IRF2: variants seen among roughly 807,000 people sequenced by gnomAD.
IRF2 encodes the protein interferon regulatory factor 2.
In IRF2, 15 loss-of-function variants were observed where a neutral mutation model predicts 40.6. The observed-to-expected ratio is 0.37, with a 90% CI of 0.25 to 0.57. The LOEUF is 0.57. Among genes scored for constraint, IRF2 ranks in the 20% least tolerant of loss-of-function variants. The pLI, the probability that IRF2 is intolerant of heterozygous loss-of-function variation, is 0.77. For synonymous variants in IRF2, 151 were observed against 165.5 expected (o/e 0.91, Z 0.67); for missense variants, 317 against 455.7 (o/e 0.70, Z 2.77).
chr4:184,447,382 A>T (rs1402478548), intron 1 of IRF2, among the ~76,000 whole-genome samples: 1 of 152,238 alleles, frequency 6.6e-6, no homozygotes, highest in Non-Finnish European at 1.5e-5. Flanking sequence ...AAGCTTTCCC[A>T]TAATGTAGAA....
chr4:184,437,546 C>T (rs2553539), intron 1 of IRF2, among the ~76,000 whole-genome samples: 7,305 of 151,820 alleles, frequency 0.048, 595 homozygotes, highest in African/African-American at 0.17. Context: ...AAAAAGGCAG[C>T]CCCCACAAAA....
intron 1 of IRF2, among the ~76,000 whole-genome samples, chr4:184,464,037 G>A (rs1353488445): frequency 8.5e-5 from 13 of 152,214 alleles, no homozygotes; most frequent in Admixed American, 8.5e-4. Context: ...TGCGAAGATA[G>A]GGACCGTTTA....
In IRF2 at chr4:184,408,620, T is replaced by C. The variant is rs1463062946; in HGVS notation, c.412-345A>G. On this transcript the variant is annotated intron_variant, in intron 5 of 8. Transcript: ENST00000393593. The surrounding 1 kb of genome is among the most constrained non-coding windows in gnomAD (Gnocchi z 4.9). ...GCTGCACTGCGTGGATTCTACACTC[T>C]CCTCCTCTGAGGGGGTGCTCAAAAG... 6.6e-6 allele frequency among the ~76,000 whole-genome samples: 1 copy of C among 152,184 alleles called. No individual in the cohort carries two copies. Among genetic ancestry groups the C allele is most frequent in the Non-Finnish European group, 1.5e-5 (1 of 68,030 alleles).
At chr4:184,410,706 G>C (rs986423957) in intron 5 of IRF2, among the ~76,000 whole-genome samples, 2 of 152,106 alleles carry the variant, frequency 1.3e-5, no homozygotes, top group African/African-American at 2.4e-5. Flanking sequence ...TAGTCATTCT[G>C]TTTCTAGGTT....
intron 1 of IRF2, among the ~76,000 whole-genome samples, chr4:184,434,790 G>A (rs1474246823): frequency 2.6e-5 from 4 of 152,216 alleles, no homozygotes; most frequent in Non-Finnish European, 4.4e-5. Context: ...TATTAACAGT[G>A]AGGTTGAATT....
rs1736146175 is a variant in IRF2, at chr4:184,388,827, G to A, written c.981C>T (p.Asp327=). ...TGATGACGCTGGCCCGGGTCTCCCG[G>A]TCTGGCCGACTGCTGCTGGATGCTG... ...MTPASSSSRP[D]RETRASVIKK... Residue 327 remains aspartate (D), a synonymous_variant, in exon 9 of 9, where the codon GAC becomes GAT. Coordinates refer to ENST00000393593, the MANE Select transcript of IRF2 (RefSeq NM_002199.4). The surrounding 1 kb of genome is among the most constrained non-coding windows in gnomAD (Gnocchi z 4.6). 4.3e-6 allele frequency: 7 copies of A among 1,613,898 alleles called. No individual in the cohort carries two copies. Among genetic ancestry groups the A allele is most frequent in the African/African-American group, 2.7e-5 (2 of 74,890 alleles).
In IRF2 at chr4:184,396,248, C is replaced by T. The variant is rs192328431; in HGVS notation, c.694+2667G>A. ...TCCTTGTGAAAATCAAATGAGATCA[C>T]GGGATGTGGCTGTGTTCTGAACGGC... On this transcript the variant is annotated intron_variant, in intron 7 of 8. Transcript: ENST00000393593. Among the ~76,000 whole-genome samples, 254 of 152,184 alleles carry T rather than the reference C, an allele frequency of 1.7e-3. 1 individual carries two copies. Among genetic ancestry groups the T allele is most frequent in the African/African-American group, 5.7e-3 (237 of 41,540 alleles).
chr4:184,439,763 T>C (rs554554687), intron 1 of IRF2, among the ~76,000 whole-genome samples: 1 of 152,346 alleles, frequency 6.6e-6, no homozygotes. Flanking sequence ...ACCTTGTCTC[T>C]GACCACAGAC....
chr4:184,469,695 A>G (rs1306188646), intron 1 of IRF2, among the ~76,000 whole-genome samples: 1 of 152,232 alleles, frequency 6.6e-6, no homozygotes, highest in African/African-American at 2.4e-5. Flanking sequence ...AAAAGGATAC[A>G]TGAAGTCTAC....
chr4:184,415,298 C>G (rs141579027), intron 5 of IRF2, among the ~76,000 whole-genome samples: 56 of 152,304 alleles, frequency 3.7e-4, no homozygotes, highest in African/African-American at 1.3e-3. Flanking sequence ...CTTCACGGCA[C>G]AAGGATTTCA....
At chr4:184,406,956 C>G (rs55808423) in intron 6 of IRF2, among the ~76,000 whole-genome samples, 1 of 152,318 alleles carries the variant, frequency 6.6e-6, no homozygotes, top group Admixed American at 6.5e-5. Flanking sequence ...TCCTAATTGC[C>G]GTATGTCTAG....
intron 1 of IRF2, among the ~76,000 whole-genome samples, chr4:184,470,273 G>A (rs999610489): frequency 9.2e-5 from 14 of 152,080 alleles, no homozygotes; most frequent in African/African-American, 1.9e-4. Context: ...CATATATTAC[G>A]TATTGTAATA....
intron 7 of IRF2, 90 bp downstream of exon 7, chr4:184,398,825 T>A: frequency 8.5e-7 from 1 of 1,172,954 alleles, no homozygotes; most frequent in Non-Finnish European, 1.2e-6. Flanking sequence ...AGAGGAGGGA[T>A]GCTCCGTGGG....
At position 184,435,431 on chromosome 4, in the gene IRF2, G is replaced by C. The variant is rs138655655; in HGVS notation, c.-6-6361C>G. Among the ~76,000 whole-genome samples, 388 of 152,300 alleles carry C rather than the reference G, an allele frequency of 2.5e-3. 9 individuals are homozygous for C. Among genetic ancestry groups the C allele is most frequent in the East Asian group, 0.019 (99 of 5,194 alleles). On this transcript the variant is annotated intron_variant, in intron 1 of 8. Coordinates refer to ENST00000393593, the MANE Select transcript of IRF2 (RefSeq NM_002199.4). ...GGTAATAAATTCCTTAGCTGAGAGG[G>C]GGGTGGTGCTTCTGGTAATGGTACA... is the stretch of plus-strand genomic sequence containing the variant.
chr4:184,460,667 A>ACACACACACATGCACACG (rs1739106939), intron 1 of IRF2, among the ~76,000 whole-genome samples: 2 of 146,274 alleles, frequency 1.4e-5, no homozygotes, highest in Admixed American at 6.8e-5. Context: ...ATGCACGCGC[A>ACACACACACATGCACACG]CACACACACA....
intron 1 of IRF2, among the ~76,000 whole-genome samples, chr4:184,436,176 C>G (rs570489094): frequency 1.3e-5 from 2 of 152,268 alleles, no homozygotes; most frequent in Admixed American, 1.3e-4. Flanking sequence ...AGGGTTTCAT[C>G]ATGTTGGCCA....
chr4:184,409,849 A>T (rs1043557358), intron 5 of IRF2, among the ~76,000 whole-genome samples: 5 of 151,808 alleles, frequency 3.3e-5, no homozygotes, highest in Admixed American at 3.3e-4. Flanking sequence ...ATGAGCTATG[A>T]TCATGTCACT....
At chr4:184,461,695 G>A (rs1034053645) in intron 1 of IRF2, among the ~76,000 whole-genome samples, 7 of 50,748 alleles carry the variant, frequency 1.4e-4, no homozygotes, top group South Asian at 7.0e-4. Flanking sequence ...CCCCCCCACC[G>A]CCCCCCAACC....
At chr4:184,462,995 A>G (rs1441625440) in intron 1 of IRF2, among the ~76,000 whole-genome samples, 1 of 152,268 alleles carries the variant, frequency 6.6e-6, no homozygotes, top group Admixed American at 6.5e-5. Context: ...CTGGCTCTCA[A>G]ATAACTTACC....
Sources: allele counts gnomAD v4.1 joint callset (sites outside exome capture counted in the v4.1 genomes callset), GRCh38; gene constraint gnomAD v4.1.1; non-coding constraint Gnocchi (gnomAD v3.1); transcripts MANE v1.5; gene names NCBI Gene and HGNC (gene_info 2026-07-23, HGNC 2026-07-21).